VEGFB: variants seen among roughly 807,000 people sequenced by gnomAD.
VEGFB encodes VEGF-related factor.
In VEGFB, 24 loss-of-function variants were observed where a neutral mutation model predicts 22.5. The ratio of observed to expected loss-of-function variants is 1.07; its 90% confidence interval spans 0.77 to 1.50. The LOEUF (loss-of-function observed/expected upper bound fraction) is 1.50. Ranked by LOEUF, VEGFB falls within the 40% of genes most tolerant of loss-of-function variation. The pLI, the probability that VEGFB is intolerant of heterozygous loss-of-function variation, is 0.00. For missense variants in VEGFB, 327 were observed against 287.8 expected, an observed-to-expected ratio of 1.14 and a Z score of -0.99; for synonymous variants, 141 against 117.4, an observed-to-expected ratio of 1.20 and a Z score of -1.30.
intron 1 of VEGFB, 86 bp from the exon 2 acceptor site, chr11:64,235,372 T>G: frequency 2.3e-6 from 3 of 1,286,106 alleles, no homozygotes; most frequent in Admixed American, 3.6e-5. Context: ...TGAAGCCTAC[T>G]GATGCAAGGG....
Position 64,237,272 on chromosome 11 carries a change from G to C in VEGFB, c.410+50G>C, listed in dbSNP as rs763210256. 10 of 1,562,508 alleles carry C rather than the reference G, an allele frequency of 6.4e-6. No individual in the cohort carries two copies. The South Asian group carries it at 9.0e-5, about 14-fold the overall frequency. On this transcript the variant is annotated intron_variant, in intron 5 of 6. Coordinates refer to ENST00000309422, the MANE Select transcript of VEGFB (RefSeq NM_003377.5). ...GTAGGGGTATGGGGAGTACAAGTGA[G>C]TCCAGAAGCTGTTGCTCCTCTTTCT... is the stretch of plus-strand genomic sequence containing the variant.
At chr11:64,235,666 T>G (rs1591079029) in intron 2 of VEGFB, 147 bp from the exon 3 acceptor site, 1 of 1,243,766 alleles carries the variant, frequency 8.0e-7, no homozygotes, top group East Asian at 2.5e-5. Flanking sequence ...GGGATCTGGA[T>G]AAACAGGGCA....
At position 64,237,304 on chromosome 11, in the gene VEGFB, A is replaced by C. The variant is rs2030170329; in HGVS notation, c.410+82A>C. ...AGCTGTTGCTCCTCTTTCTCCTCCC[A>C]CCCGTCCCCCACTTTCCCTTTTCCT... On this transcript the variant is annotated intron_variant, in intron 5 of 6. Coordinates refer to ENST00000309422, the MANE Select transcript of VEGFB (RefSeq NM_003377.5). 1.3e-5 allele frequency: 19 copies of C among 1,518,840 alleles called. No individual in the cohort carries two copies. The South Asian group carries it at 1.8e-4, about 15-fold the overall frequency. The allele number at this position is 1,518,840 out of a possible 1,614,324, so 94.1% of individuals were successfully genotyped here.
intron 3 of VEGFB, 78 bp from the exon 4 acceptor site, chr11:64,236,176 G>C (rs2029998964): frequency 6.4e-7 from 1 of 1,573,170 alleles, no homozygotes; most frequent in Non-Finnish European, 8.7e-7. Flanking sequence ...TGTTGGGTGA[G>C]CTTTTCTCCC....
rs1565318108 is a variant in VEGFB at position 64,237,127 on chromosome 11, G to GAGAGAGAGAGAT, written c.375-59_375-58insGAGAGAGAGATA. The GAGAGAGAGAGAT allele has an allele frequency of 1.4e-5, 11 of 813,188 alleles. 4 individuals carry two copies. Among genetic ancestry groups the GAGAGAGAGAGAT allele is most frequent in the Middle Eastern group, 6.9e-4 (2 of 2,880 alleles). 50.4% of individuals were successfully genotyped at this position (813,188 alleles called of 1,614,324 possible). A position where few individuals can be genotyped will look rare whatever the true frequency, so the allele number is the denominator to read the frequency against. The stretch of plus-strand genomic sequence containing the variant: ...AGAGAGAGAGAGAGAGAGAGAGTAG[G>GAGAGAGAGAGAT]ATGCTGGGATTTCCTGATCTTCCTC... On this transcript the variant is annotated intron_variant, in intron 4 of 6. Coordinates refer to ENST00000309422, the MANE Select transcript of VEGFB (RefSeq NM_003377.5).
At chr11:64,237,284 T>C (rs1479248920) in intron 5 of VEGFB, 62 bp downstream of exon 5, 3 of 1,543,878 alleles carry the variant, frequency 1.9e-6, no homozygotes, top group East Asian at 4.5e-5. Flanking sequence ...CCAGAAGCTG[T>C]TGCTCCTCTT....
chr11:64,235,793 C>T lies in VEGFB; in HGVS notation c.104-20C>T, dbSNP rs1488928959. The stretch of plus-strand genomic sequence containing the variant: ...GCAGGAAAACCAGTGAGGACTTAAC[C>T]CCTACCGGTCTGCTCCCAGTGGTGT... On this transcript the variant is annotated intron_variant, in intron 2 of 6. Transcript: ENST00000309422. 1 of 1,613,044 alleles carries T rather than the reference C, an allele frequency of 6.2e-7. No individual in the cohort carries two copies. Among genetic ancestry groups the T allele is most frequent in the Non-Finnish European group, 8.5e-7 (1 of 1,179,818 alleles).
Position 64,237,083 on chromosome 11 carries a change from C to CGAGAGAGAG in VEGFB, c.375-104_375-103insGAGAGAGAG, listed in dbSNP as rs1555056088. ...GGGCAAGAAGAGGGAAACACAGTCT[C>CGAGAGAGAG]AAAGAGAGAGAGAGAGAGAGAGAGA... On this transcript the variant is annotated intron_variant, in intron 4 of 6. Coordinates refer to ENST00000309422, the MANE Select transcript of VEGFB (RefSeq NM_003377.5). The CGAGAGAGAG allele has an allele frequency of 7.7e-5, 50 of 650,390 alleles. 12 individuals are homozygous for CGAGAGAGAG. The highest frequency in any genetic ancestry group is 8.5e-5 in the Non-Finnish European group (38 of 447,654). 40.3% of individuals were successfully genotyped at this position (650,390 alleles called of 1,614,324 possible). A position where few individuals can be genotyped will look rare whatever the true frequency, so the allele number is the denominator to read the frequency against.
At chr11:64,237,373 G>A (rs1252709822) in intron 5 of VEGFB, 47 bp from the exon 6 acceptor site, 1 of 1,548,220 alleles carries the variant, frequency 6.5e-7, no homozygotes, top group Admixed American at 1.7e-5. Flanking sequence ...CCAGCTCTAG[G>A]GAAGACTCTT....
Position 64,234,741 on chromosome 11 carries a change from G to T in VEGFB, c.-93G>T. On this transcript the variant is annotated 5_prime_UTR_variant, in exon 1 of 7. Coordinates refer to ENST00000309422, the MANE Select transcript of VEGFB (RefSeq NM_003377.5). This position sits in a 1 kb window ranked among gnomAD's most constrained non-coding sequence, Gnocchi z 5.3. The stretch of plus-strand genomic sequence containing the variant: ...GCCCGGCCCCCGCCCGCCGCGCCCG[G>T]GCCCGCGCCATGGGGCTCTGGCTGT... The T allele has an allele frequency of 2.4e-6, 1 of 413,138 alleles. No homozygotes were observed. Among genetic ancestry groups the T allele is most frequent in the Non-Finnish European group, 3.2e-6 (1 of 310,676 alleles). 25.6% of individuals were successfully genotyped at this position (413,138 alleles called of 1,614,324 possible).
In VEGFB at chr11:64,234,744, C is replaced by T; in HGVS notation, c.-90C>T. 2 of 451,984 alleles carry T rather than the reference C, an allele frequency of 4.4e-6. No homozygotes were observed. Among genetic ancestry groups the T allele is most frequent in the Non-Finnish European group, 5.8e-6 (2 of 345,816 alleles). 28.0% of individuals were successfully genotyped at this position (451,984 alleles called of 1,614,324 possible). On this transcript the variant is annotated 5_prime_UTR_variant, in exon 1 of 7. Transcript: ENST00000309422. This position sits in a 1 kb window ranked among gnomAD's most constrained non-coding sequence, Gnocchi z 5.3. ...CGGCCCCCGCCCGCCGCGCCCGGGC[C>T]CGCGCCATGGGGCTCTGGCTGTCGC...
Position 64,237,596 on chromosome 11 carries a change from A to G in VEGFB, c.587A>G (p.Asp196Gly). The G allele has an allele frequency of 6.3e-7, 1 of 1,590,784 alleles. No homozygotes were observed. Among genetic ancestry groups the G allele is most frequent in the Non-Finnish European group, 8.5e-7 (1 of 1,173,208 alleles). ...LTPGPAAAAA[D>G]AAASSVAKGG... ...CCCGGACCTGCCGCTGCCGCTGCCG[A>G]CGCCGCAGCTTCCTCCGTTGCCAAG... Residue 196 changes from aspartate to glycine, a missense_variant, in exon 6 of 7, where the codon GAC becomes GGC. Transcript: ENST00000309422.
chr11:64,237,061 C>T lies in VEGFB; in HGVS notation c.375-126C>T, dbSNP rs528025431. On this transcript the variant is annotated intron_variant, in intron 4 of 6. Transcript: ENST00000309422. ...CCACGCCACTGCACTCCAGCCTGGG[C>T]AAGAAGAGGGAAACACAGTCTCAAA... 3.0e-5 allele frequency: 23 copies of T among 761,584 alleles called. 1 individual carries two copies. In the East Asian group the frequency reaches 6.1e-4, roughly 20 times the overall value. The allele number at this position is 761,584 out of a possible 1,614,324, so 47.2% of individuals were successfully genotyped here. A position where few individuals can be genotyped will look rare whatever the true frequency, so the allele number is the denominator to read the frequency against.
chr11:64,238,446 G>A lies in VEGFB; in HGVS notation c.*113G>A, dbSNP rs2030257477. The stretch of plus-strand genomic sequence containing the variant: ...TATATCCCAGTGGGGGAACAAAGAG[G>A]AGCCTGGTAAAAAACAGCCAAGCCC... On this transcript the variant is annotated 3_prime_UTR_variant, in exon 7 of 7. Coordinates refer to ENST00000309422, the MANE Select transcript of VEGFB (RefSeq NM_003377.5). The A allele has an allele frequency of 2.0e-6, 3 of 1,531,884 alleles. No individual in the cohort carries two copies. The highest frequency in any genetic ancestry group is 3.9e-5 in the Admixed American group (2 of 50,910). The allele number at this position is 1,531,884 out of a possible 1,614,324, so 94.9% of individuals were successfully genotyped here.
intron 6 of VEGFB, 107 bp from the exon 7 acceptor site, chr11:64,238,249 G>A: frequency 7.1e-7 from 1 of 1,404,572 alleles, no homozygotes; most frequent in Non-Finnish European, 9.7e-7. Flanking sequence ...GCCGAGTGGT[G>A]TGGCAGGATG....
chr11:64,236,120 C>A, intron 3 of VEGFB, 111 bp downstream of exon 3: 1 of 1,520,564 alleles, frequency 6.6e-7, no homozygotes, highest in Non-Finnish European at 8.9e-7. Flanking sequence ...GAGACTGATG[C>A]ACAGGAGACA....
At chr11:64,235,156 C>T (rs887343488) in intron 1 of VEGFB, among the ~76,000 whole-genome samples, 5 of 152,302 alleles carry the variant, frequency 3.3e-5, no homozygotes, top group African/African-American at 1.2e-4. Context: ...GCCTGCAGGA[C>T]CTGCTTCGGT....
In VEGFB at chr11:64,234,737, C is replaced by A; in HGVS notation, c.-97C>A. On this transcript the variant is annotated 5_prime_UTR_variant, in exon 1 of 7. Coordinates refer to ENST00000309422, the MANE Select transcript of VEGFB (RefSeq NM_003377.5). The surrounding 1 kb of genome is among the most constrained non-coding windows in gnomAD (Gnocchi z 5.3). ...CCGCGCCCGGCCCCCGCCCGCCGCG[C>A]CCGGGCCCGCGCCATGGGGCTCTGG... 2.6e-6 allele frequency: 1 copy of A among 377,748 alleles called. No individual in the cohort carries two copies. Among genetic ancestry groups the A allele is most frequent in the Non-Finnish European group, 3.6e-6 (1 of 277,518 alleles). 23.4% of individuals were successfully genotyped at this position (377,748 alleles called of 1,614,324 possible).
At chr11:64,235,398 G>C (rs2029927662) in intron 1 of VEGFB, 60 bp from the exon 2 acceptor site, 2 of 1,530,148 alleles carry the variant, frequency 1.3e-6, no homozygotes, top group African/African-American at 1.4e-5. Flanking sequence ...CCCCAGGGAC[G>C]GTGACAGGGC....
Sources: allele counts gnomAD v4.1 joint callset (sites outside exome capture counted in the v4.1 genomes callset), GRCh38; gene constraint gnomAD v4.1.1; non-coding constraint Gnocchi (gnomAD v3.1); transcripts MANE v1.5; gene names NCBI Gene and HGNC (gene_info 2026-07-23, HGNC 2026-07-21).